Variants in ERBB4 observed in about 807,000 individuals in gnomAD.
ERBB4 encodes erb-b2 receptor tyrosine kinase 4, also known as receptor tyrosine-protein kinase erbB-4.
A neutral mutation model predicts 158.0 loss-of-function variants in ERBB4; 42 were observed. The ratio of observed to expected loss-of-function variants is 0.27; its 90% confidence interval spans 0.21 to 0.34. The LOEUF is 0.34. ERBB4 is among the 10% of genes least tolerant of loss of function. The probability of loss-of-function intolerance (pLI) is 1.00; values close to 1 mark genes in which losing one functional copy is unlikely to be tolerated. For missense variants in ERBB4, 1,333 were observed against 1,624.1 expected, an observed-to-expected ratio of 0.82 and a Z score of 3.08; for synonymous variants, 583 against 558.7, an observed-to-expected ratio of 1.04 and a Z score of -0.61.
chr2:211,547,569 A>G (rs2066976379), intron 20 of ERBB4, among the ~76,000 whole-genome samples: 1 of 152,094 alleles, frequency 6.6e-6, no homozygotes, highest in Admixed American at 6.6e-5. Flanking sequence ...CAAAAGCCAT[A>G]GGGGAGCAAT....
chr2:212,180,930 A>G (rs946414341), intron 1 of ERBB4, among the ~76,000 whole-genome samples: 2 of 151,758 alleles, frequency 1.3e-5, no homozygotes, highest in Non-Finnish European at 3.0e-5. Flanking sequence ...ACTAATTACT[A>G]GTACTTAACT....
chr2:212,278,381 T>G (rs1488046770), intron 1 of ERBB4, among the ~76,000 whole-genome samples: 2 of 151,752 alleles, frequency 1.3e-5, no homozygotes, highest in African/African-American at 2.4e-5. Flanking sequence ...GAATTTATAC[T>G]TCCACTAAAA....
intron 1 of ERBB4, among the ~76,000 whole-genome samples, chr2:212,516,445 G>T (rs917579979): frequency 2.0e-5 from 3 of 152,016 alleles, no homozygotes; most frequent in African/African-American, 7.2e-5. Flanking sequence ...ATGAGTTCCA[G>T]TCTCTGCCAC....
intron 3 of ERBB4, among the ~76,000 whole-genome samples, chr2:211,909,125 T>C: frequency 6.6e-6 from 1 of 151,706 alleles, no homozygotes; most frequent in Non-Finnish European, 1.5e-5. Context: ...TCTGTTATGA[T>C]AGTATTCAAT....
intron 25 of ERBB4, among the ~76,000 whole-genome samples, chr2:211,396,592 G>T (rs982211589): frequency 6.6e-6 from 1 of 152,098 alleles, no homozygotes; most frequent in African/African-American, 2.4e-5. Flanking sequence ...AATATGAAGC[G>T]CACGGTTTGT....
At chr2:211,513,038 T>C (rs1012550548) in intron 20 of ERBB4, among the ~76,000 whole-genome samples, 2 of 151,856 alleles carry the variant, frequency 1.3e-5, no homozygotes, top group South Asian at 2.1e-4. Context: ...TTGCCTATGG[T>C]TGGAGATCTA....
At chr2:212,062,016 T>C (rs1426306561) in intron 2 of ERBB4, among the ~76,000 whole-genome samples, 1 of 152,194 alleles carries the variant, frequency 6.6e-6, no homozygotes, top group Non-Finnish European at 1.5e-5. Context: ...ATTACAGGCA[T>C]GAGCCACTGC....
At chr2:211,547,335 T>C (rs1320169335) in intron 20 of ERBB4, among the ~76,000 whole-genome samples, 4 of 152,134 alleles carry the variant, frequency 2.6e-5, no homozygotes, top group Non-Finnish European at 5.9e-5. Context: ...TCATCTTCAG[T>C]CCCACTGTAG....
At chr2:211,919,415 G>T (rs1470925234) in intron 3 of ERBB4, among the ~76,000 whole-genome samples, 1 of 151,820 alleles carries the variant, frequency 6.6e-6, no homozygotes, top group African/African-American at 2.4e-5. Flanking sequence ...TATCTTACAG[G>T]GAGAAATCCA....
intron 1 of ERBB4, among the ~76,000 whole-genome samples, chr2:212,345,933 A>G (rs1192965815): frequency 6.6e-6 from 1 of 152,134 alleles, no homozygotes; most frequent in African/African-American, 2.4e-5. Flanking sequence ...AAAAAGATAG[A>G]GAGATAAATA....
chr2:212,503,795 A>G (rs1382503973), intron 1 of ERBB4, among the ~76,000 whole-genome samples: 1 of 152,196 alleles, frequency 6.6e-6, no homozygotes, highest in Non-Finnish European at 1.5e-5. Context: ...GGTATTTACC[A>G]CGGGTGTTTT....
chr2:212,464,274 T>C (rs1475989517), intron 1 of ERBB4, among the ~76,000 whole-genome samples: 3 of 152,152 alleles, frequency 2.0e-5, no homozygotes, highest in Non-Finnish European at 2.9e-5. Flanking sequence ...TCACAAAAAA[T>C]ATTGGTATAA....
At position 211,634,724 on chromosome 2, in the gene ERBB4, C is replaced by T. The variant is rs141371830; in HGVS notation, c.1947-4130G>A. 3.5e-3 allele frequency among the ~76,000 whole-genome samples: 532 copies of T among 152,172 alleles called. 3 individuals are homozygous for T. The highest frequency in any genetic ancestry group is 0.017 in the South Asian group (83 of 4,812). On this transcript the variant is annotated intron_variant, in intron 16 of 27. Transcript: ENST00000342788. ...GAGTCTTGCTCTGTTGTTGCCCAGG[C>T]TGGAGTGCAGTGGTGTGATCTTGGC...
chr2:212,254,630 G>A (rs937469098), intron 1 of ERBB4, among the ~76,000 whole-genome samples: 4 of 152,100 alleles, frequency 2.6e-5, no homozygotes, highest in Non-Finnish European at 4.4e-5. Flanking sequence ...CCGTAATTTT[G>A]TTTATGTATA....
chr2:212,447,162 A>G (rs947119406), intron 1 of ERBB4, among the ~76,000 whole-genome samples: 3 of 151,822 alleles, frequency 2.0e-5, no homozygotes, highest in African/African-American at 7.3e-5. Flanking sequence ...ATGCCCGGCT[A>G]ATTTTTTGTA....
chr2:212,136,962 A>G (rs1165921710), intron 1 of ERBB4, among the ~76,000 whole-genome samples: 1 of 152,094 alleles, frequency 6.6e-6, no homozygotes, highest in Non-Finnish European at 1.5e-5. Context: ...TAAAAAACAA[A>G]AAGCACCCAC....
chr2:211,881,129 G>T (rs921086069), intron 3 of ERBB4, among the ~76,000 whole-genome samples: 2 of 152,010 alleles, frequency 1.3e-5, no homozygotes, highest in Admixed American at 1.3e-4. Context: ...ATTTTAAAAA[G>T]AAGTGAAACA....
intron 1 of ERBB4, among the ~76,000 whole-genome samples, chr2:212,162,814 C>T (rs16847808): frequency 0.045 from 6,862 of 151,916 alleles, 532 homozygotes; most frequent in African/African-American, 0.16. Context: ...CAATAAAATG[C>T]TGGGGTAAAT....
chr2:211,761,190 C>CAAAAAAAA (rs58277006), intron 4 of ERBB4, among the ~76,000 whole-genome samples: 1 of 89,940 alleles, frequency 1.1e-5, no homozygotes, highest in Non-Finnish European at 2.3e-5. Context: ...TGAGATTCCT[C>CAAAAAAAA]AAAAAAAAAA....
Sources: gnomAD v4.1 joint callset for allele counts (sites outside exome capture counted in the v4.1 genomes callset) on GRCh38, gnomAD v4.1.1 for gene constraint, MANE v1.5 for transcripts, NCBI Gene and HGNC (gene_info 2026-07-23, HGNC 2026-07-21) for gene names.